ZNF722: variants seen among roughly 807,000 people sequenced by gnomAD.
ZNF722 encodes zinc finger protein 722.
chr7:64,004,449 T>TATATATAA, the ZNF722 span, among the ~76,000 whole-genome samples: 4 of 136,986 alleles, frequency 2.9e-5, no homozygotes, highest in Admixed American at 7.3e-5. Context: ...TATATATATA[T>TATATATAA]ATATATAAAA....
the ZNF722 span, among the ~76,000 whole-genome samples, chr7:64,007,230 G>GTGTGTATATATATATATATATATATATA: frequency 7.2e-6 from 1 of 138,512 alleles, no homozygotes; most frequent in African/African-American, 2.9e-5. Context: ...GTTTGTGTGT[G>GTGTGTATATATATATATATATATATATA]TATATATATA....
the ZNF722 span, among the ~76,000 whole-genome samples, chr7:64,017,342 C>A: frequency 1.3e-3 from 96 of 73,542 alleles, no homozygotes; most frequent in African/African-American, 3.9e-3. Flanking sequence ...CAACACAGAG[C>A]TGCTACACTG....
At chr7:64,000,173 C>T in the ZNF722 span, among the ~76,000 whole-genome samples, 1 of 149,820 alleles carries the variant, frequency 6.7e-6, no homozygotes, top group Non-Finnish European at 1.5e-5. Flanking sequence ...TCTTATTACC[C>T]AGGCTGGAGT....
chr7:64,008,409 T>G, the ZNF722 span, among the ~76,000 whole-genome samples: 1 of 152,218 alleles, frequency 6.6e-6, no homozygotes, highest in Non-Finnish European at 1.5e-5. Context: ...CAATCTTGAA[T>G]TAATTTTTGT....
the ZNF722 span, chr7:64,015,107 A>G: frequency 1.4e-6 from 2 of 1,426,512 alleles, no homozygotes; most frequent in Non-Finnish European, 2.0e-6. Context: ...TACCAAGAAC[A>G]TATGGAAAAT....
the ZNF722 span, among the ~76,000 whole-genome samples, chr7:64,004,507 A>C: frequency 1.3e-5 from 2 of 148,658 alleles, no homozygotes; most frequent in Non-Finnish European, 3.0e-5. Flanking sequence ...GAAATACCAC[A>C]GCAGTGATGT....
the ZNF722 span, among the ~76,000 whole-genome samples, chr7:64,004,425 A>AAAAAATATATATATATATATATATAT: frequency 3.3e-5 from 2 of 61,106 alleles, no homozygotes; most frequent in East Asian, 4.9e-4. Context: ...AAAAAAAAAA[A>AAAAAATATATATATATATATATATAT]ATATATATAT....
the ZNF722 span, among the ~76,000 whole-genome samples, chr7:64,012,345 G>A: frequency 6.6e-6 from 1 of 152,192 alleles, no homozygotes; most frequent in Non-Finnish European, 1.5e-5. Flanking sequence ...CTTTGGAGGA[G>A]AAGAGGCACT....
At chr7:64,012,432 T>C in the ZNF722 span, among the ~76,000 whole-genome samples, 1 of 152,300 alleles carries the variant, frequency 6.6e-6, no homozygotes, top group Admixed American at 6.5e-5. Context: ...TGGTGTTTGA[T>C]GATGGTGACC....
At chr7:64,005,029 C>T in the ZNF722 span, among the ~76,000 whole-genome samples, 1 of 151,990 alleles carries the variant, frequency 6.6e-6, no homozygotes, top group Admixed American at 6.6e-5. Context: ...TAAATATAGC[C>T]CTTAAAAATA....
At chr7:64,004,410 T>TAAAAA in the ZNF722 span, among the ~76,000 whole-genome samples, 1,131 of 35,106 alleles carry the variant, frequency 0.032, 95 homozygotes, top group African/African-American at 0.039. Context: ...CTCTGTCTCT[T>TAAAAA]AAAAAAAAAA....
chr7:64,016,044 A>C, the ZNF722 span: 4 of 717,928 alleles, frequency 5.6e-6, no homozygotes, highest in African/African-American at 7.1e-5. Context: ...AGAAAATAAG[A>C]GAATCCATAT....
the ZNF722 span, among the ~76,000 whole-genome samples, chr7:64,004,425 A>AATATATATATATATATATATAT: frequency 4.9e-5 from 3 of 61,112 alleles, no homozygotes; most frequent in African/African-American, 1.6e-4. Context: ...AAAAAAAAAA[A>AATATATATATATATATATATAT]ATATATATAT....
At chr7:64,003,909 G>T in the ZNF722 span, among the ~76,000 whole-genome samples, 1 of 151,514 alleles carries the variant, frequency 6.6e-6, no homozygotes, top group Non-Finnish European at 1.5e-5. Context: ...TGCTCTATTA[G>T]TTCCATGCAG....
At chr7:64,011,947 T>G in the ZNF722 span, among the ~76,000 whole-genome samples, 2 of 152,294 alleles carry the variant, frequency 1.3e-5, no homozygotes, top group South Asian at 4.1e-4. Context: ...TTTGTTCATT[T>G]CTTTTTACTC....
At chr7:64,001,950 C>T in the ZNF722 span, among the ~76,000 whole-genome samples, 1 of 152,072 alleles carries the variant, frequency 6.6e-6, no homozygotes, top group Non-Finnish European at 1.5e-5. Context: ...ATGGCAAAAT[C>T]TCGGCTCACT....
chr7:64,000,004 T>G, the ZNF722 span, among the ~76,000 whole-genome samples: 1 of 151,922 alleles, frequency 6.6e-6, no homozygotes, highest in Admixed American at 6.6e-5. Context: ...CCATAAGAGA[T>G]ACATTTGAGT....
chr7:64,003,481 G>C, the ZNF722 span, among the ~76,000 whole-genome samples: 1 of 151,978 alleles, frequency 6.6e-6, no homozygotes, highest in Admixed American at 6.6e-5. Flanking sequence ...AGAAAGAGGA[G>C]GAAAAGAAAA....
chr7:64,013,765 G>A, the ZNF722 span, among the ~76,000 whole-genome samples: 570 of 151,822 alleles, frequency 3.8e-3, 4 homozygotes, highest in Admixed American at 3.8e-3. Context: ...TATATTCTTC[G>A]TCATATTATT....
Sources: allele counts gnomAD v4.1 joint callset (sites outside exome capture counted in the v4.1 genomes callset), GRCh38; gene constraint gnomAD v4.1.1; transcripts MANE v1.5; gene names NCBI Gene and HGNC (gene_info 2026-07-23, HGNC 2026-07-21).